The following ARHGEF3 variants were observed in gnomAD, a reference collection of about 807,000 sequenced individuals.
ARHGEF3 encodes Rho guanine nucleotide exchange factor 3.
A neutral mutation model predicts 63.2 loss-of-function variants in ARHGEF3; 28 were observed. That is an observed-to-expected ratio of 0.44 (90% CI 0.33 to 0.61). The LOEUF (loss-of-function observed/expected upper bound fraction) is 0.61. Ranked by LOEUF, ARHGEF3 falls within the 20% of genes least tolerant of loss-of-function variation. The probability of loss-of-function intolerance (pLI) is 0.03; values close to 1 mark genes in which losing one functional copy is unlikely to be tolerated. For synonymous variants in ARHGEF3, 266 were observed against 254.2 expected, an observed-to-expected ratio of 1.05 and a Z score of -0.44; for missense variants, 533 against 659.3, an observed-to-expected ratio of 0.81 and a Z score of 2.10.
chr3:56,848,321 CA>C (rs1559989428), intron 4 of ARHGEF3, among the ~76,000 whole-genome samples: 1 of 152,038 alleles, frequency 6.6e-6, no homozygotes, highest in African/African-American at 2.4e-5. Context: ...CTATAATAAA[CA>C]AAAATAAAAT....
chr3:56,939,379 T>C (rs1317351215), intron 3 of ARHGEF3, among the ~76,000 whole-genome samples: 1 of 152,188 alleles, frequency 6.6e-6, no homozygotes, highest in African/African-American at 2.4e-5. Flanking sequence ...GCAAGATCAC[T>C]ACCATGACAT....
intron 1 of ARHGEF3, among the ~76,000 whole-genome samples, chr3:57,062,633 G>A (rs1320777950): frequency 6.6e-6 from 1 of 152,172 alleles, no homozygotes; most frequent in Non-Finnish European, 1.5e-5. Context: ...AAAACACTAT[G>A]TAGCTGTTTA....
intron 4 of ARHGEF3, among the ~76,000 whole-genome samples, chr3:56,855,385 C>T (rs189948852): frequency 1.3e-5 from 2 of 152,160 alleles, no homozygotes; most frequent in African/African-American, 4.8e-5. Context: ...TTTACTGATG[C>T]AAAAACAAGT....
rs139704713 is a variant in ARHGEF3, at chr3:56,846,083, C to T, written c.192+36209G>A. ...GGTAACCCATGCTATTGAAAATGAA[C>T]CCAGACTTTCCAAGGTCATTAATCT... On this transcript the variant is annotated intron_variant, in intron 4 of 12. Transcript: ENST00000338458. 1.5e-3 allele frequency among the ~76,000 whole-genome samples: 232 copies of T among 152,290 alleles called. 1 individual carries two copies. The highest frequency in any genetic ancestry group is 5.5e-3 in the African/African-American group (227 of 41,556).
intron 3 of ARHGEF3, among the ~76,000 whole-genome samples, chr3:56,930,103 A>G (rs552896708): frequency 6.6e-6 from 1 of 152,234 alleles, no homozygotes; most frequent in African/African-American, 2.4e-5. Context: ...CATCAGTCAC[A>G]GTTGCACCTT....
intron 2 of ARHGEF3, among the ~76,000 whole-genome samples, chr3:57,003,860 G>C (rs1029581409): frequency 9.8e-5 from 15 of 152,320 alleles, no homozygotes; most frequent in African/African-American, 3.4e-4. Flanking sequence ...CCTTCCCTAT[G>C]GCCTCCAGAA....
Position 56,745,255 on chromosome 3 carries a change from A to T in ARHGEF3, c.820T>A (p.Leu274Met), listed in dbSNP as rs766666898. Residue 274 changes from leucine to methionine, a missense_variant, in exon 7 of 10, where the codon TTG (leucine) becomes ATG (methionine). Physicochemically the swap from Leu to Met is conservative, Grantham distance 15. Transcript: ENST00000296315. ...GGATTATCATTTGGTGTGTGCCTCAAGATTTCTCGGAGAAGCAGAGGGTAT... is the reference window on the plus strand; with the variant it reads ...GGATTATCATTTGGTGTGTGCCTCATGATTTCTCGGAGAAGCAGAGGGTAT... ...VKYPLLLREI[L>M]RHTPNDNPDQ... 6.2e-7 allele frequency: 1 copy of T among 1,614,024 alleles called. No homozygotes were observed. Among genetic ancestry groups the T allele is most frequent in the Admixed American group, 1.7e-5 (1 of 60,006 alleles).
chr3:56,972,513 T>C (rs1402235091), intron 2 of ARHGEF3, among the ~76,000 whole-genome samples: 1 of 152,016 alleles, frequency 6.6e-6, no homozygotes, highest in East Asian at 1.9e-4. Context: ...ATAAATTCTA[T>C]GGAGAAGGAC....
chr3:56,967,575 T>C (rs1374111690), intron 2 of ARHGEF3, among the ~76,000 whole-genome samples: 1 of 88,038 alleles, frequency 1.1e-5, no homozygotes, highest in Non-Finnish European at 2.0e-5. Context: ...ATAATATATA[T>C]TATACATAAT....
chr3:56,977,954 G>A (rs960085143), intron 2 of ARHGEF3, among the ~76,000 whole-genome samples: 7 of 152,068 alleles, frequency 4.6e-5, no homozygotes, highest in South Asian at 2.1e-4. Context: ...TCAGCCTCCC[G>A]TCACTGCCCT....
At chr3:56,844,976 T>C (rs1354606702) in intron 4 of ARHGEF3, among the ~76,000 whole-genome samples, 5 of 152,240 alleles carry the variant, frequency 3.3e-5, no homozygotes, top group Admixed American at 3.3e-4. Context: ...TACTCATATT[T>C]TGAGGCAACT....
At chr3:56,744,727 GA>G (rs2107732291) in intron 7 of ARHGEF3, among the ~76,000 whole-genome samples, 2 of 152,208 alleles carry the variant, frequency 1.3e-5, no homozygotes, top group East Asian at 3.9e-4. Flanking sequence ...AACATTTGCT[GA>G]GTGAGGATCC....
intron 1 of ARHGEF3, among the ~76,000 whole-genome samples, chr3:56,788,705 G>A (rs1039557323): frequency 6.6e-6 from 1 of 151,830 alleles, no homozygotes; most frequent in Non-Finnish European, 1.5e-5. Context: ...GGTGGGAGCC[G>A]GCCTCAGGAC....
intron 1 of ARHGEF3, chr3:56,775,824 C>CACA: frequency 4.1e-5 from 11 of 266,088 alleles, no homozygotes; most frequent in Non-Finnish European, 6.3e-5. Context: ...ACACACACTG[C>CACA]CTCTTAAGCA....
intron 2 of ARHGEF3, among the ~76,000 whole-genome samples, chr3:56,769,117 A>G (rs2035870854): frequency 6.6e-6 from 1 of 152,252 alleles, no homozygotes; most frequent in East Asian, 1.9e-4. Flanking sequence ...ATTCACTTTT[A>G]TAATGGAAAA....
intron 1 of ARHGEF3, among the ~76,000 whole-genome samples, chr3:56,777,469 T>G (rs894495279): frequency 2.6e-5 from 4 of 152,234 alleles, no homozygotes; most frequent in African/African-American, 9.6e-5. Flanking sequence ...GTTTTTTTAT[T>G]AAATGGATTT....
chr3:56,860,995 T>C (rs2040054306), intron 4 of ARHGEF3, among the ~76,000 whole-genome samples: 1 of 152,192 alleles, frequency 6.6e-6, no homozygotes, highest in African/African-American at 2.4e-5. Flanking sequence ...GCGGCAGAAA[T>C]AAAGCACCTC....
intron 4 of ARHGEF3, among the ~76,000 whole-genome samples, chr3:56,870,367 C>G (rs1213455145): frequency 6.6e-6 from 1 of 152,100 alleles, no homozygotes; most frequent in African/African-American, 2.4e-5. Flanking sequence ...AGAAGTCAAT[C>G]TGAAAAGGCT....
chr3:56,823,189 T>C (rs2108045981), intron 4 of ARHGEF3, among the ~76,000 whole-genome samples: 1 of 152,304 alleles, frequency 6.6e-6, no homozygotes, highest in Admixed American at 6.5e-5. Flanking sequence ...TTGCAGCAGA[T>C]GCAGAGTAAA....
Sources: allele counts gnomAD v4.1 joint callset (sites outside exome capture counted in the v4.1 genomes callset), GRCh38; gene constraint gnomAD v4.1.1; transcripts MANE v1.5; gene names NCBI Gene and HGNC (gene_info 2026-07-23, HGNC 2026-07-21).